The following POLN variants were observed in gnomAD, a reference collection of about 807,000 sequenced individuals.
The protein encoded by POLN is DNA polymerase N.
Under a neutral mutation model 113.5 loss-of-function variants are expected in POLN, and 108 were observed. The ratio of observed to expected loss-of-function variants is 0.95; its 90% CI spans 0.81 to 1.12. The LOEUF (loss-of-function observed/expected upper bound fraction) is 1.12. Ranked by LOEUF, POLN falls within the 50% of genes most tolerant of loss-of-function variation. POLN has a pLI of 0.00. For missense variants in POLN, 1,097 were observed against 1,077.1 expected, an observed-to-expected ratio of 1.02 and a Z score of -0.26; for synonymous variants, 386 against 391.5, an observed-to-expected ratio of 0.99 and a Z score of 0.17.
chr4:2,121,280 C>G (rs1316351473), intron 19 of POLN, among the ~76,000 whole-genome samples: 1 of 151,886 alleles, frequency 6.6e-6, no homozygotes, highest in Non-Finnish European at 1.5e-5. Flanking sequence ...ACTAAAAATA[C>G]AAAAATTAGC....
At chr4:2,187,519 C>T (rs147516420) in intron 7 of POLN, among the ~76,000 whole-genome samples, 2,689 of 152,246 alleles carry the variant, frequency 0.018, 86 homozygotes, top group African/African-American at 0.062. Flanking sequence ...GCTGGGATTA[C>T]AGGCATGAGC....
At chr4:2,214,534 T>C (rs956266479) in intron 3 of POLN, among the ~76,000 whole-genome samples, 1 of 151,854 alleles carries the variant, frequency 6.6e-6, no homozygotes, top group African/African-American at 2.4e-5. Context: ...GAGCAAAGAA[T>C]AGGAAGAGGC....
intron 19 of POLN, among the ~76,000 whole-genome samples, chr4:2,100,570 T>C (rs3117819): frequency 0.84 from 127,851 of 152,182 alleles, 54,305 homozygotes; most frequent in Non-Finnish European, 0.9. Context: ...CTTAGCACAC[T>C]TTCAATTAAG....
intron 13 of POLN, among the ~76,000 whole-genome samples, chr4:2,164,703 T>G (rs1732685200): frequency 6.8e-6 from 1 of 146,088 alleles, no homozygotes; most frequent in African/African-American, 2.5e-5. Context: ...CTCGGGAGGC[T>G]GAGGCAGGAG....
At chr4:2,187,405 G>A (rs886591772) in intron 7 of POLN, among the ~76,000 whole-genome samples, 13 of 152,088 alleles carry the variant, frequency 8.5e-5, no homozygotes, top group South Asian at 4.2e-4. Context: ...CACCATGCCC[G>A]GCTCACTTTT....
At chr4:2,179,504 C>A (rs765261229) in intron 7 of POLN, 39 bp from the exon 8 acceptor site, 1 of 1,593,188 alleles carries the variant, frequency 6.3e-7, no homozygotes, top group Non-Finnish European at 8.6e-7. Context: ...CCAAGAAAAA[C>A]CAATAGTTGT....
chr4:2,092,973 G>C (rs1241842438), intron 20 of POLN, among the ~76,000 whole-genome samples: 1 of 152,232 alleles, frequency 6.6e-6, no homozygotes. Context: ...GGGAACAGCA[G>C]AGCCGGAGGC....
intron 14 of POLN, among the ~76,000 whole-genome samples, chr4:2,158,733 G>C (rs1256115656): frequency 2.0e-5 from 3 of 152,212 alleles, no homozygotes; most frequent in Non-Finnish European, 2.9e-5. Flanking sequence ...GGGGAGGGAA[G>C]GGGGCCACTC....
intron 5 of POLN, among the ~76,000 whole-genome samples, chr4:2,203,290 C>T (rs1374609409): frequency 6.6e-6 from 1 of 152,050 alleles, no homozygotes; most frequent in Non-Finnish European, 1.5e-5. Flanking sequence ...TTAAACAATT[C>T]TTCAAACTGG....
chr4:2,175,448 C>T (rs1732971748), intron 9 of POLN, among the ~76,000 whole-genome samples: 1 of 152,190 alleles, frequency 6.6e-6, no homozygotes, highest in Non-Finnish European at 1.5e-5. Flanking sequence ...TCAGAATAGG[C>T]TTACTGAATT....
Position 2,170,757 on chromosome 4 carries a change from T to C in POLN, c.1476A>G (p.Leu492=), listed in dbSNP as rs1363191918. Residue 492 remains leucine, a synonymous_variant, in exon 13 of 26, where the codon TTA becomes TTG. Transcript: ENST00000511885. ...NQLREILFGK[L]KLHLLSQRNS... Reference sequence around the variant, plus strand: ...TCCTTTGACTCAGCAGGTGCAGCTTTAACTTGCCAAAGAGGATCTTCAACA... The same window carrying C: ...TCCTTTGACTCAGCAGGTGCAGCTTCAACTTGCCAAAGAGGATCTTCAACA... 13 of 1,614,052 alleles carry C rather than the reference T, an allele frequency of 8.1e-6. No homozygotes were observed. The highest frequency in any genetic ancestry group is 1.3e-5 in the African/African-American group (1 of 74,936).
At chr4:2,210,000 A>T (rs1269130086) in intron 4 of POLN, among the ~76,000 whole-genome samples, 1 of 140,888 alleles carries the variant, frequency 7.1e-6, no homozygotes, top group African/African-American at 2.8e-5. Context: ...ATATATATAA[A>T]TTTACTTTAT....
rs897687752 is a variant in POLN, at chr4:2,187,907, T to G, written c.1021+5297A>C. ...AGGAGGATTGCTTCAGGCTAGGAGT[T>G]CAACAGCAGCCAGGACAACATAGTG... On this transcript the variant is annotated intron_variant, in intron 7 of 25. Transcript: ENST00000511885. Among the ~76,000 whole-genome samples, 3 of 152,080 alleles carry G rather than the reference T, an allele frequency of 2.0e-5. No individual in the cohort carries two copies. The South Asian group carries it at 6.2e-4, about 32-fold the overall frequency.
At chr4:2,217,210 T>C (rs1734134839) in intron 3 of POLN, among the ~76,000 whole-genome samples, 1 of 152,138 alleles carries the variant, frequency 6.6e-6, no homozygotes, top group Non-Finnish European at 1.5e-5. Flanking sequence ...TGGGGCCACT[T>C]CTCCTTCCAC....
intron 16 of POLN, among the ~76,000 whole-genome samples, chr4:2,145,541 T>C (rs1732117061): frequency 2.0e-5 from 3 of 152,036 alleles, no homozygotes; most frequent in African/African-American, 7.3e-5. Flanking sequence ...CAAATAAACA[T>C]AAAAATACAC....
chr4:2,144,194 G>C (rs961825238), intron 16 of POLN, among the ~76,000 whole-genome samples: 1 of 147,452 alleles, frequency 6.8e-6, no homozygotes, highest in Admixed American at 6.8e-5. Context: ...ACCCAGACTG[G>C]AGTGCAGTGG....
At chr4:2,147,505 G>C (rs1732174321) in intron 16 of POLN, among the ~76,000 whole-genome samples, 1 of 152,152 alleles carries the variant, frequency 6.6e-6, no homozygotes, top group Non-Finnish European at 1.5e-5. Flanking sequence ...CCAGGGTGAA[G>C]AGGGTGACAG....
intron 5 of POLN, among the ~76,000 whole-genome samples, chr4:2,199,783 T>TGC (rs3046202): frequency 0.26 from 38,855 of 151,706 alleles, 7,846 homozygotes; most frequent in African/African-American, 0.55. Context: ...TTCACTGTGT[T>TGC]CCAGGCTGGT....
chr4:2,164,683 G>T (rs1310864069), intron 13 of POLN, among the ~76,000 whole-genome samples: 1 of 148,346 alleles, frequency 6.7e-6, no homozygotes, highest in Non-Finnish European at 1.5e-5. Flanking sequence ...CACACCTGTA[G>T]TCCCAACTAC....
Sources: allele counts gnomAD v4.1 joint callset (sites outside exome capture counted in the v4.1 genomes callset), GRCh38; gene constraint gnomAD v4.1.1; transcripts MANE v1.5; gene names NCBI Gene and HGNC (gene_info 2026-07-23, HGNC 2026-07-21).